The following NR2C2 variants were observed in gnomAD, a reference collection of about 807,000 sequenced individuals.
The protein encoded by NR2C2 is nuclear receptor subfamily 2 group C member 2, also known as Nuclear hormone receptor TR4.
NR2C2 carries 6 observed loss-of-function variants against 62.9 expected under a neutral mutation model. That is an observed-to-expected ratio of 0.10 (90% CI 0.05 to 0.19). The LOEUF is 0.19. Among genes scored for constraint, NR2C2 ranks in the 10% least tolerant of loss-of-function variants. The pLI, the probability that NR2C2 is intolerant of heterozygous loss-of-function variation, is 1.00. For synonymous variants in NR2C2, 272 were observed against 273.8 expected (o/e 0.99, Z 0.07); for missense variants, 479 against 762.7 (o/e 0.63, Z 4.38).
intron 1 of NR2C2, among the ~76,000 whole-genome samples, chr3:14,998,661 C>A (rs2040900362): frequency 6.6e-6 from 1 of 151,054 alleles, no homozygotes; most frequent in African/African-American, 2.4e-5. Context: ...TTTTTTTTTC[C>A]CCCATTTTAT....
intron 8 of NR2C2, among the ~76,000 whole-genome samples, chr3:15,029,460 C>G (rs1427336169): frequency 2.0e-5 from 3 of 152,146 alleles, no homozygotes; most frequent in Non-Finnish European, 4.4e-5. Context: ...TACAAGTGTT[C>G]CAGTCCTTTG....
intron 1 of NR2C2, among the ~76,000 whole-genome samples, chr3:14,970,337 A>G (rs2040000541): frequency 6.6e-6 from 1 of 152,112 alleles, no homozygotes; most frequent in African/African-American, 2.4e-5. Flanking sequence ...GGTAAAATAT[A>G]AAATTTACCA....
intron 4 of NR2C2, among the ~76,000 whole-genome samples, chr3:15,016,680 C>T (rs952868038): frequency 2.0e-5 from 3 of 152,132 alleles, no homozygotes; most frequent in African/African-American, 7.2e-5. Context: ...CAGGAGGAGG[C>T]ATGTGATTCC....
In NR2C2 at chr3:15,020,943, A is replaced by G. The variant is rs2041652619; in HGVS notation, c.556+11A>G. 1.9e-6 allele frequency: 3 copies of G among 1,612,426 alleles called. No individual in the cohort carries two copies. Among genetic ancestry groups the G allele is most frequent in the Non-Finnish European group, 8.5e-7 (1 of 1,178,594 alleles). On this transcript the variant is annotated intron_variant, in intron 5 of 13. Transcript: ENST00000425241. ...GCATGAAAATGGAATGTGAGTAACA[A>G]TATTTAAAAACCACATGAGTTAATG...
At chr3:14,981,885 G>C (rs62241844) in intron 1 of NR2C2, among the ~76,000 whole-genome samples, 10,938 of 152,264 alleles carry the variant, frequency 0.072, 433 homozygotes, top group Middle Eastern at 0.099. Flanking sequence ...AGAAGACATA[G>C]GCAGTCTAGT....
chr3:14,993,680 G>A (rs2040734944), intron 1 of NR2C2, among the ~76,000 whole-genome samples: 1 of 151,956 alleles, frequency 6.6e-6, no homozygotes, highest in African/African-American at 2.4e-5. Flanking sequence ...AACATTTTCT[G>A]TTTAACCTGT....
At position 15,047,601 on chromosome 3, in the gene NR2C2, T is replaced by C. The variant is rs1483397514; in HGVS notation, c.*4593T>C. The stretch of plus-strand genomic sequence containing the variant: ...GTCAGTGAGGCCTGACTCCCAAAGA[T>C]GGTAGCAATTTCCCAGGCTTGCGCT... On this transcript the variant is annotated 3_prime_UTR_variant, in exon 14 of 14. Coordinates refer to ENST00000425241, the MANE Select transcript of NR2C2 (RefSeq NM_001291694.2). 6.6e-6 allele frequency: 1 copy of C among 152,204 alleles called. No homozygotes were observed. The highest frequency in any genetic ancestry group is 2.4e-5 in the African/African-American group (1 of 41,440). 9.4% of individuals were successfully genotyped at this position (152,204 alleles called of 1,614,324 possible). A position where few individuals can be genotyped will look rare whatever the true frequency, so the allele number is the denominator to read the frequency against.
intron 1 of NR2C2, among the ~76,000 whole-genome samples, chr3:14,974,609 G>GTTT (rs563116807): frequency 1.4e-5 from 2 of 138,788 alleles, no homozygotes; most frequent in Non-Finnish European, 1.6e-5. Flanking sequence ...TTTTTTGTTG[G>GTTT]TTTTTTTTTT....
At chr3:15,015,329 T>G (rs868658977) in intron 3 of NR2C2, among the ~76,000 whole-genome samples, 3 of 152,366 alleles carry the variant, frequency 2.0e-5, no homozygotes, top group South Asian at 2.1e-4. Flanking sequence ...AGTTATAGTA[T>G]TCTCCCAGAT....
intron 2 of NR2C2, 82 bp from the exon 3 acceptor site, chr3:15,013,507 C>A: frequency 8.2e-7 from 1 of 1,220,600 alleles, no homozygotes. Context: ...TGGTTTTTGG[C>A]AGTCACCACT....
intron 2 of NR2C2, among the ~76,000 whole-genome samples, chr3:15,005,408 G>A (rs964424807): frequency 9.7e-5 from 14 of 143,766 alleles, no homozygotes; most frequent in Middle Eastern, 3.9e-3. Flanking sequence ...ATAGGGATGG[G>A]GTTTCACCAT....
At chr3:15,002,967 CT>C (rs34599110) in intron 1 of NR2C2, among the ~76,000 whole-genome samples, 21,939 of 144,658 alleles carry the variant, frequency 0.15, 1,864 homozygotes, top group Middle Eastern at 0.22. Flanking sequence ...CCACAATACA[CT>C]TTTTTTTTTT....
chr3:15,012,783 G>C (rs1224643058), intron 2 of NR2C2, among the ~76,000 whole-genome samples: 1 of 152,196 alleles, frequency 6.6e-6, no homozygotes, highest in African/African-American at 2.4e-5. Context: ...TCATGAGCAA[G>C]AATAAGAGAG....
At chr3:15,015,412 C>T (rs1395797225) in intron 3 of NR2C2, among the ~76,000 whole-genome samples, 1 of 152,234 alleles carries the variant, frequency 6.6e-6, no homozygotes. Flanking sequence ...TTGTTCTCGT[C>T]ATCAGCTCAC....
intron 1 of NR2C2, among the ~76,000 whole-genome samples, chr3:14,950,440 T>G (rs1485241200): frequency 2.0e-5 from 3 of 152,094 alleles, no homozygotes; most frequent in Non-Finnish European, 4.4e-5. Flanking sequence ...TTCATTATTT[T>G]CTTATCTGTG....
rs148956309 is a variant in NR2C2, at chr3:14,976,923, C to A, written c.-39-26953C>A. Among the ~76,000 whole-genome samples, 352 of 152,120 alleles carry A rather than the reference C, an allele frequency of 2.3e-3. 2 individuals carry two copies. The highest frequency in any genetic ancestry group is 7.9e-3 in the African/African-American group (326 of 41,498). ...TCTGGTTGTTAAGATCTTTTCTATT[C>A]TGTTCTGAAATATACAGTCATGTCC... On this transcript the variant is annotated intron_variant, in intron 1 of 13. Transcript: ENST00000425241.
At chr3:14,962,130 A>G (rs1354824791) in intron 1 of NR2C2, among the ~76,000 whole-genome samples, 1 of 152,240 alleles carries the variant, frequency 6.6e-6, no homozygotes, top group Admixed American at 6.5e-5. Flanking sequence ...CCAAGCTGTT[A>G]CAACCCTGGA....
intron 1 of NR2C2, among the ~76,000 whole-genome samples, chr3:14,968,404 T>C (rs2039928350): frequency 6.6e-6 from 1 of 152,116 alleles, no homozygotes; most frequent in African/African-American, 2.4e-5. Flanking sequence ...TCACTGGTCA[T>C]CAGAGAAATG....
intron 1 of NR2C2, among the ~76,000 whole-genome samples, chr3:14,991,370 G>T (rs1447897351): frequency 2.0e-5 from 3 of 152,180 alleles, no homozygotes; most frequent in Non-Finnish European, 2.9e-5. Flanking sequence ...CTGCACAAAG[G>T]GGGTTAATCT....
Sources: allele counts gnomAD v4.1 joint callset (sites outside exome capture counted in the v4.1 genomes callset), GRCh38; gene constraint gnomAD v4.1.1; transcripts MANE v1.5; gene names NCBI Gene and HGNC (gene_info 2026-07-23, HGNC 2026-07-21).